Variants in GFRAL observed in about 807,000 individuals in gnomAD.
The protein encoded by GFRAL is GDNF family receptor alpha-like.
A neutral mutation model predicts 45.4 loss-of-function variants in GFRAL; 36 were observed. The ratio of observed to expected loss-of-function variants is 0.79; its 90% CI spans 0.61 to 1.05. The LOEUF (loss-of-function observed/expected upper bound fraction) is 1.05, where lower values mean the gene tolerates loss of function less well. Ranked by LOEUF, GFRAL falls within the 50% of genes least tolerant of loss-of-function variation. The pLI, the probability that GFRAL is intolerant of heterozygous loss-of-function variation, is 0.00. For synonymous variants in GFRAL, 166 were observed against 154.1 expected, an observed-to-expected ratio of 1.08 and a Z score of -0.57; for missense variants, 507 against 467.5, an observed-to-expected ratio of 1.08 and a Z score of -0.78.
At chr6:55,343,206 G>C (rs142625484) in intron 3 of GFRAL, among the ~76,000 whole-genome samples, 2,362 of 152,036 alleles carry the variant, frequency 0.016, 26 homozygotes, top group Non-Finnish European at 0.022. Flanking sequence ...CTCTCCACCC[G>C]AAATCAACAG....
At chr6:55,349,966 A>G (rs548933419) in intron 3 of GFRAL, 126 bp from the exon 4 acceptor site, 1 of 673,196 alleles carries the variant, frequency 1.5e-6, no homozygotes, top group South Asian at 1.6e-5. Flanking sequence ...TACATGTTAC[A>G]TAACCTTGTA....
At chr6:55,364,844 T>C (rs1768336967) in intron 6 of GFRAL, among the ~76,000 whole-genome samples, 2 of 152,138 alleles carry the variant, frequency 1.3e-5, no homozygotes, top group Admixed American at 1.3e-4. Flanking sequence ...TACTGTAGCC[T>C]TGTAGTATAG....
intron 3 of GFRAL, among the ~76,000 whole-genome samples, chr6:55,342,247 G>C (rs1000203191): frequency 5.9e-5 from 9 of 152,130 alleles, no homozygotes; most frequent in Non-Finnish European, 1.0e-4. Context: ...TTGAAATGAA[G>C]GAAAAAATGT....
chr6:55,384,863 C>CAAAA (rs34292413), intron 6 of GFRAL, among the ~76,000 whole-genome samples: 26 of 140,514 alleles, frequency 1.9e-4, no homozygotes, highest in Middle Eastern at 3.8e-3. Flanking sequence ...CAAAAAGCAG[C>CAAAA]AAAAAAAAAA....
At chr6:55,388,572 A>C (rs1389337635) in intron 6 of GFRAL, among the ~76,000 whole-genome samples, 1 of 152,252 alleles carries the variant, frequency 6.6e-6, no homozygotes, top group African/African-American at 2.4e-5. Flanking sequence ...TACACTAAGC[A>C]TATGTCTACA....
chr6:55,327,829 A>G (rs566927384), intron 1 of GFRAL, among the ~76,000 whole-genome samples: 2 of 152,046 alleles, frequency 1.3e-5, no homozygotes, highest in South Asian at 4.1e-4. Flanking sequence ...GTTTTATTGT[A>G]TAGAATGACC....
chr6:55,351,015 G>A (rs115818093), intron 4 of GFRAL, among the ~76,000 whole-genome samples: 2,039 of 152,144 alleles, frequency 0.013, 25 homozygotes, highest in Non-Finnish European at 0.022. Context: ...GGCCCAGCAC[G>A]CTTCCCATCA....
chr6:55,374,330 C>G (rs1488835660), intron 6 of GFRAL, among the ~76,000 whole-genome samples: 1 of 151,968 alleles, frequency 6.6e-6, no homozygotes, highest in Non-Finnish European at 1.5e-5. Context: ...GCCACACTGT[C>G]TTCACAATGG....
chr6:55,400,972 T>C (rs1280505656), intron 8 of GFRAL, among the ~76,000 whole-genome samples: 1 of 152,140 alleles, frequency 6.6e-6, no homozygotes, highest in African/African-American at 2.4e-5. Context: ...ACCTGTTCCA[T>C]GATCCCACTG....
At chr6:55,363,827 C>A (rs990800196) in intron 6 of GFRAL, among the ~76,000 whole-genome samples, 2 of 151,406 alleles carry the variant, frequency 1.3e-5, no homozygotes, top group African/African-American at 4.9e-5. Flanking sequence ...TTTCTTAATC[C>A]AGTCTATCAT....
intron 6 of GFRAL, among the ~76,000 whole-genome samples, chr6:55,397,885 G>A (rs934662866): frequency 9.9e-5 from 15 of 151,500 alleles, no homozygotes; most frequent in African/African-American, 3.6e-4. Flanking sequence ...TTATAATACC[G>A]TATTTTTTAT....
At chr6:55,377,806 C>T (rs563427557) in intron 6 of GFRAL, among the ~76,000 whole-genome samples, 19 of 152,040 alleles carry the variant, frequency 1.2e-4, no homozygotes, top group African/African-American at 3.9e-4. Flanking sequence ...TTGAATATGG[C>T]CAGTACATAT....
At chr6:55,378,952 G>C (rs1768570546) in intron 6 of GFRAL, among the ~76,000 whole-genome samples, 1 of 151,894 alleles carries the variant, frequency 6.6e-6, no homozygotes, top group Non-Finnish European at 1.5e-5. Flanking sequence ...ATATCCAATA[G>C]GTGCTAAATT....
At chr6:55,342,746 G>A (rs1767985838) in intron 3 of GFRAL, among the ~76,000 whole-genome samples, 1 of 152,110 alleles carries the variant, frequency 6.6e-6, no homozygotes, top group Admixed American at 6.6e-5. Context: ...TGGATAAAGA[G>A]TCAAGACCCA....
At chr6:55,390,171 C>A (rs1768728795) in intron 6 of GFRAL, among the ~76,000 whole-genome samples, 1 of 152,188 alleles carries the variant, frequency 6.6e-6, no homozygotes, top group East Asian at 1.9e-4. Context: ...TCTCTTTTCA[C>A]CTGCAAGTCT....
intron 6 of GFRAL, among the ~76,000 whole-genome samples, chr6:55,382,905 T>A (rs1768629535): frequency 6.6e-6 from 1 of 151,942 alleles, no homozygotes; most frequent in South Asian, 2.1e-4. Context: ...AATACTACTT[T>A]TTATCACAGA....
chr6:55,369,213 C>T (rs956440643), intron 6 of GFRAL, among the ~76,000 whole-genome samples: 6 of 152,030 alleles, frequency 3.9e-5, no homozygotes, highest in South Asian at 4.1e-4. Flanking sequence ...TTCCAGGTGC[C>T]GTCCGTCACC....
At chr6:55,360,698 CTT>C (rs1291718616) in intron 6 of GFRAL, among the ~76,000 whole-genome samples, 1 of 151,930 alleles carries the variant, frequency 6.6e-6, no homozygotes, top group East Asian at 1.9e-4. Context: ...ATTTTCCTCT[CTT>C]ATTAACATTA....
intron 6 of GFRAL, among the ~76,000 whole-genome samples, chr6:55,393,889 C>T (rs1768787369): frequency 6.6e-6 from 1 of 152,048 alleles, no homozygotes; most frequent in Non-Finnish European, 1.5e-5. Context: ...TGATTGCTTT[C>T]CTTGTAGTCA....
Sources: allele counts gnomAD v4.1 joint callset (sites outside exome capture counted in the v4.1 genomes callset), GRCh38; gene constraint gnomAD v4.1.1; transcripts MANE v1.5; gene names NCBI Gene and HGNC (gene_info 2026-07-23, HGNC 2026-07-21).